Variants in STON2 observed in about 807,000 individuals in gnomAD.
The protein encoded by STON2 is stonin-2.
In STON2, 29 loss-of-function variants were observed where a neutral mutation model predicts 65.7. That is an observed-to-expected ratio of 0.44 (90% CI 0.33 to 0.60). The LOEUF (loss-of-function observed/expected upper bound fraction) is 0.60. Ranked by LOEUF, STON2 falls within the 20% of genes least tolerant of loss-of-function variation. The pLI is 0.03. For synonymous variants in STON2, 404 were observed against 414.2 expected, an observed-to-expected ratio of 0.98 and a Z score of 0.30; for missense variants, 1,054 against 1,118.1, an observed-to-expected ratio of 0.94 and a Z score of 0.82.
At chr14:81,301,636 G>A (rs764522116) in intron 5 of STON2, among the ~76,000 whole-genome samples, 21 of 152,174 alleles carry the variant, frequency 1.4e-4, no homozygotes, top group African/African-American at 4.8e-4. Context: ...AGAGTGGAAC[G>A]TGCTCAAGAT....
chr14:81,428,005 A>G (rs1194008157), intron 1 of STON2, among the ~76,000 whole-genome samples: 1 of 152,178 alleles, frequency 6.6e-6, no homozygotes, highest in African/African-American at 2.4e-5. Context: ...CTGTCTCATG[A>G]AATGCTACTC....
intron 2 of STON2, among the ~76,000 whole-genome samples, chr14:81,424,613 C>G (rs1485343254): frequency 6.6e-6 from 1 of 152,104 alleles, no homozygotes; most frequent in Non-Finnish European, 1.5e-5. Context: ...AGGGACACTT[C>G]CATTGTTTAA....
chr14:81,346,207 T>A (rs1897804265), intron 4 of STON2, among the ~76,000 whole-genome samples: 2 of 152,208 alleles, frequency 1.3e-5, no homozygotes, highest in South Asian at 2.1e-4. Flanking sequence ...TAGTATCACA[T>A]CAAAAAGGAG....
intron 4 of STON2, among the ~76,000 whole-genome samples, chr14:81,370,651 G>C (rs1457788996): frequency 1.3e-5 from 2 of 152,202 alleles, no homozygotes; most frequent in Admixed American, 6.5e-5. Flanking sequence ...GAAAGATTCA[G>C]CCTTGTGCAT....
At chr14:81,408,157 A>ACACGCGCG (rs147841517) in intron 2 of STON2, among the ~76,000 whole-genome samples, 219 of 150,522 alleles carry the variant, frequency 1.5e-3, no homozygotes, top group African/African-American at 4.4e-3. Flanking sequence ...ACACACACAC[A>ACACGCGCG]CGCGCACACA....
In STON2 at chr14:81,262,487, G is replaced by C. The variant is rs1266049262; in HGVS notation, c.*5927C>G. ...TTCTTACTTTTAACTTTAAGAGATG[G>C]CTTCTAGTTCAAGTATTTTGAGGCT... is the stretch of plus-strand genomic sequence containing the variant. On this transcript the variant is annotated 3_prime_UTR_variant, in exon 8 of 8. Transcript: ENST00000614646. 1.0e-6 allele frequency: 1 copy of C among 985,092 alleles called. No homozygotes were observed. Among genetic ancestry groups the C allele is most frequent in the Non-Finnish European group, 1.2e-6 (1 of 829,680 alleles). The allele number at this position is 985,092 out of a possible 1,614,324, so 61.0% of individuals were successfully genotyped here. A position where few individuals can be genotyped will look rare whatever the true frequency, so the allele number is the denominator to read the frequency against.
intron 5 of STON2, among the ~76,000 whole-genome samples, chr14:81,291,858 T>TGTAC (rs1555396239): frequency 7.3e-6 from 1 of 137,726 alleles, no homozygotes; most frequent in Non-Finnish European, 1.6e-5. Flanking sequence ...TTAGCATGGG[T>TGTAC]ACACACACAC....
chr14:81,400,611 G>A (rs1900561160), upstream of STON2, among the ~76,000 whole-genome samples: 1 of 152,096 alleles, frequency 6.6e-6, no homozygotes, highest in Non-Finnish European at 1.5e-5. Context: ...GTGGGGTAGG[G>A]AAGAGAACAG....
upstream of STON2, among the ~76,000 whole-genome samples, chr14:81,401,036 G>A (rs186633631): frequency 1.8e-3 from 279 of 152,272 alleles, no homozygotes; most frequent in African/African-American, 6.6e-3. Flanking sequence ...GTTAGCCATC[G>A]CCAGCACTGC....
chr14:81,365,081 G>T (rs545565868), intron 4 of STON2, among the ~76,000 whole-genome samples: 1 of 152,316 alleles, frequency 6.6e-6, no homozygotes. Flanking sequence ...GTTGAATAAA[G>T]GTTGCCAGAT....
intron 1 of STON2, among the ~76,000 whole-genome samples, chr14:81,428,866 A>T (rs986455742): frequency 1.3e-5 from 2 of 152,226 alleles, no homozygotes; most frequent in Admixed American, 1.3e-4. Flanking sequence ...CAGCCAATGG[A>T]AGGACTATCA....
intron 3 of STON2, among the ~76,000 whole-genome samples, chr14:81,384,941 C>T (rs752661674): frequency 2.6e-5 from 4 of 152,162 alleles, no homozygotes; most frequent in Non-Finnish European, 5.9e-5. Context: ...TTTTTCATAG[C>T]TGGCAGTATG....
At chr14:81,298,422 G>GC (rs1555396855) in intron 5 of STON2, among the ~76,000 whole-genome samples, 783 of 66,172 alleles carry the variant, frequency 0.012, 8 homozygotes, top group Middle Eastern at 0.049. Flanking sequence ...GATGGGGGGG[G>GC]GGAATCACAG....
intron 4 of STON2, among the ~76,000 whole-genome samples, chr14:81,337,570 G>A (rs577216022): frequency 1.3e-5 from 2 of 152,314 alleles, no homozygotes; most frequent in African/African-American, 4.8e-5. Flanking sequence ...GCCTGTATGA[G>A]GAGGTGACAA....
chr14:81,364,254 A>AAG (rs1566928108), intron 4 of STON2, among the ~76,000 whole-genome samples: 4 of 152,040 alleles, frequency 2.6e-5, no homozygotes, highest in Non-Finnish European at 5.9e-5. Flanking sequence ...TCTGGTCTAA[A>AAG]TTTGTTTTAA....
At chr14:81,317,234 A>C (rs1896658834) in intron 5 of STON2, among the ~76,000 whole-genome samples, 1 of 152,158 alleles carries the variant, frequency 6.6e-6, no homozygotes, top group South Asian at 2.1e-4. Context: ...GAACAAATAG[A>C]GGGAGCACAC....
rs1894421383 is a variant in STON2 at position 81,267,965 on chromosome 14, A to C, written c.*449T>G. The stretch of plus-strand genomic sequence containing the variant: ...GAACCTTTTCTAGACAGAGTGAAAG[A>C]GATGGATTCTTAATTAACTTCTCAA... On this transcript the variant is annotated 3_prime_UTR_variant, in exon 8 of 8. Coordinates refer to ENST00000614646, the MANE Select transcript of STON2 (RefSeq NM_001394390.1). 1 of 986,702 alleles carries C rather than the reference A, an allele frequency of 1.0e-6. No homozygotes were observed. The highest frequency in any genetic ancestry group is 1.2e-6 in the Non-Finnish European group (1 of 830,846). The allele number at this position is 986,702 out of a possible 1,614,324, so 61.1% of individuals were successfully genotyped here. A position where few individuals can be genotyped will look rare whatever the true frequency, so the allele number is the denominator to read the frequency against.
chr14:81,283,778 C>T (rs1211451603), intron 5 of STON2, among the ~76,000 whole-genome samples: 1 of 152,142 alleles, frequency 6.6e-6, no homozygotes, highest in African/African-American at 2.4e-5. Context: ...ATCCGCCCGC[C>T]TCGGCCTCCC....
chr14:81,408,496 C>G (rs1239965084), intron 2 of STON2, among the ~76,000 whole-genome samples: 2 of 152,200 alleles, frequency 1.3e-5, no homozygotes, highest in African/African-American at 4.8e-5. Flanking sequence ...GCACACACAG[C>G]ATAATCTCCT....
Sources: allele counts gnomAD v4.1 joint callset (sites outside exome capture counted in the v4.1 genomes callset), GRCh38; gene constraint gnomAD v4.1.1; transcripts MANE v1.5; gene names NCBI Gene and HGNC (gene_info 2026-07-23, HGNC 2026-07-21).